The following EML6 variants were observed in gnomAD, a reference collection of about 807,000 sequenced individuals.
EML6 encodes EMAP like 6, also known as echinoderm microtubule-associated protein-like 6.
In EML6, 154 loss-of-function variants were observed where a neutral mutation model predicts 240.1. The ratio of observed to expected loss-of-function variants is 0.64; its 90% CI spans 0.56 to 0.73. The LOEUF (loss-of-function observed/expected upper bound fraction) is 0.73, where lower values mean the gene tolerates loss of function less well. Among genes scored for constraint, EML6 ranks in the 30% least tolerant of loss-of-function variants. The pLI is 0.00. For synonymous variants in EML6, 1,148 were observed against 899.0 expected (o/e 1.28, Z -4.95); for missense variants, 2,964 against 2,474.6 (o/e 1.20, Z -4.20).
At chr2:54,839,173 T>C (rs10173697) in intron 7 of EML6, among the ~76,000 whole-genome samples, 59,759 of 152,030 alleles carry the variant, frequency 0.39, 13,559 homozygotes, top group East Asian at 0.58. Context: ...GTCAGAACTT[T>C]GTCAGGGATC....
chr2:54,966,347 G>A (rs1450668251), intron 38 of EML6, among the ~76,000 whole-genome samples: 1 of 152,246 alleles, frequency 6.6e-6, no homozygotes, highest in Non-Finnish European at 1.5e-5. Flanking sequence ...CCTGAGGCAG[G>A]AAAGAGCTCA....
Position 54,850,000 on chromosome 2 carries a change from A to C in EML6, c.1226A>C (p.Glu409Ala). 6.4e-7 allele frequency: 1 copy of C among 1,551,624 alleles called. No individual in the cohort carries two copies. Among genetic ancestry groups the C allele is most frequent in the Non-Finnish European group, 8.7e-7 (1 of 1,146,860 alleles). ...TEVVHIKDRK[E>A]VIHEMKFSPD... ...GTAGTTCACATCAAAGATCGAAAAGAAGTCATTCATGAAATGAAATTTTCT... is the reference window on the plus strand; with the variant it reads ...GTAGTTCACATCAAAGATCGAAAAGCAGTCATTCATGAAATGAAATTTTCT... Residue 409 changes from glutamate to alanine, a missense_variant, in exon 10 of 42, where the codon GAA (glutamate) becomes GCA (alanine). Physicochemically the swap from Glu to Ala is moderately radical, Grantham distance 107 (BLOSUM62 -1). Transcript: ENST00000356458.
intron 26 of EML6, among the ~76,000 whole-genome samples, chr2:54,918,763 G>C (rs1364083531): frequency 6.6e-6 from 1 of 152,116 alleles, no homozygotes; most frequent in Non-Finnish European, 1.5e-5. Context: ...TTAAATTCTT[G>C]GCAAATGTCT....
chr2:54,944,116 C>T (rs893008649), intron 28 of EML6, among the ~76,000 whole-genome samples: 4 of 151,776 alleles, frequency 2.6e-5, no homozygotes, highest in African/African-American at 9.7e-5. Flanking sequence ...TACCATCTAC[C>T]CTCTCTCTTA....
At chr2:54,942,893 G>A (rs1034977778) in intron 28 of EML6, among the ~76,000 whole-genome samples, 1 of 151,962 alleles carries the variant, frequency 6.6e-6, no homozygotes, top group African/African-American at 2.4e-5. Flanking sequence ...GCCCTTCCTG[G>A]CCTCACTTTT....
intron 31 of EML6, among the ~76,000 whole-genome samples, 178 bp from the exon 32 acceptor site, chr2:54,953,805 T>TG (rs1676099628): frequency 6.6e-6 from 1 of 150,672 alleles, no homozygotes; most frequent in Non-Finnish European, 1.5e-5. Context: ...GAGGATCGTG[T>TG]GAACCCAGGA....
At chr2:54,802,675 C>T (rs529690459) in intron 2 of EML6, among the ~76,000 whole-genome samples, 2 of 150,412 alleles carry the variant, frequency 1.3e-5, no homozygotes, top group Non-Finnish European at 3.0e-5. Context: ...ACTGCTACTA[C>T]TACTACTACC....
At chr2:54,893,339 G>A (rs1305566824) in intron 19 of EML6, among the ~76,000 whole-genome samples, 3 of 152,152 alleles carry the variant, frequency 2.0e-5, no homozygotes, top group Admixed American at 6.5e-5. Flanking sequence ...AAGTCCAAGA[G>A]TAAGGGGCTG....
Position 54,928,458 on chromosome 2 carries a change from A to C in EML6, c.3821A>C (p.Gln1274Pro). ...TGGACCAGGGAGTTTGTGGGGACCC[A>C]GGAGAGCAAGCTGGTGGACAGCGAG... is the stretch of plus-strand genomic sequence containing the variant. ...MIWTREFVGT[Q>P]ESKLVDSEES... The change falls in exon 27 of 42, where the codon CAG becomes CCG. Residue 1274 changes from glutamine to proline, a missense_variant. Gln to Pro is a moderately conservative substitution (Grantham distance 76). Coordinates refer to ENST00000356458, the MANE Select transcript of EML6 (RefSeq NM_001039753.4). The C allele has an allele frequency of 1.3e-6, 2 of 1,550,250 alleles. No homozygotes were observed. Among genetic ancestry groups the C allele is most frequent in the Non-Finnish European group, 1.7e-6 (2 of 1,146,018 alleles).
intron 2 of EML6, among the ~76,000 whole-genome samples, chr2:54,797,706 G>A (rs1669897260): frequency 6.6e-6 from 1 of 152,108 alleles, no homozygotes; most frequent in Admixed American, 6.5e-5. Context: ...AGACTGTACT[G>A]TGGAAAGGCA....
intron 41 of EML6, among the ~76,000 whole-genome samples, chr2:54,969,495 T>C (rs192802094): frequency 1.3e-3 from 202 of 152,340 alleles, no homozygotes; most frequent in African/African-American, 2.6e-3. Flanking sequence ...CTGGCACTTA[T>C]AGCCCTTGAG....
At position 54,866,841 on chromosome 2, in the gene EML6, G is replaced by C; in HGVS notation, c.2008G>C (p.Glu670Gln). 6.4e-7 allele frequency: 1 copy of C among 1,551,232 alleles called. No individual in the cohort carries two copies. The highest frequency in any genetic ancestry group is 1.2e-5 in the South Asian group (1 of 84,044). Residue 670 changes from glutamate (E) to glutamine (Q), a missense_variant, in exon 14 of 42, where the codon GAA becomes CAA. Transcript: ENST00000356458. ...KNHAVPFLKR[E>Q]KAPEDSLKLQ... ...CCACGCAGTGCCCTTCCTCAAACGA[G>C]AAAAGGCTCCTGAGGACAGCTTGAA...
At chr2:54,964,193 A>C in intron 37 of EML6, 35 bp downstream of exon 37, 1 of 1,542,552 alleles carries the variant, frequency 6.5e-7, no homozygotes, top group Admixed American at 2.0e-5. Context: ...TGGAGGAGAA[A>C]GGCAAGCATT....
At chr2:54,760,822 ATT>A (rs200476039) in intron 2 of EML6, among the ~76,000 whole-genome samples, 32 of 120,384 alleles carry the variant, frequency 2.7e-4, no homozygotes, top group Admixed American at 3.4e-4. Context: ...TTGAGGGAGC[ATT>A]TTTTTTTTTT....
At chr2:54,944,191 C>G (rs1441843440) in intron 28 of EML6, among the ~76,000 whole-genome samples, 2 of 152,156 alleles carry the variant, frequency 1.3e-5, no homozygotes, top group Non-Finnish European at 2.9e-5. Flanking sequence ...ACTCCCATCT[C>G]TCAGTGGAAC....
At chr2:54,739,066 A>T (rs1372530936) in intron 2 of EML6, among the ~76,000 whole-genome samples, 1 of 152,244 alleles carries the variant, frequency 6.6e-6, no homozygotes, top group Non-Finnish European at 1.5e-5. Context: ...GTGTCGATTT[A>T]TACTTCCACC....
chr2:54,959,677 G>C (rs902471528), intron 34 of EML6, among the ~76,000 whole-genome samples: 1 of 152,152 alleles, frequency 6.6e-6, no homozygotes, highest in African/African-American at 2.4e-5. Context: ...CAGGAGAATG[G>C]CTGGAACCCA....
intron 19 of EML6, among the ~76,000 whole-genome samples, 198 bp from the exon 20 acceptor site, chr2:54,894,717 A>T (rs1362556804): frequency 6.6e-6 from 1 of 152,182 alleles, no homozygotes; most frequent in Non-Finnish European, 1.5e-5. Context: ...AACGTGCTTA[A>T]TCTTGCTTAG....
intron 4 of EML6, among the ~76,000 whole-genome samples, chr2:54,820,033 A>T (rs577350930): frequency 1.8e-4 from 27 of 152,270 alleles, no homozygotes; most frequent in African/African-American, 6.3e-4. Flanking sequence ...TTAAATTTCT[A>T]TTGAAAAGCT....
Sources: allele counts gnomAD v4.1 joint callset (sites outside exome capture counted in the v4.1 genomes callset), GRCh38; gene constraint gnomAD v4.1.1; transcripts MANE v1.5; gene names NCBI Gene and HGNC (gene_info 2026-07-23, HGNC 2026-07-21).